DCC: variants seen among roughly 807,000 people sequenced by gnomAD.
DCC encodes netrin receptor DCC.
In DCC, 58 loss-of-function variants were observed where a neutral mutation model predicts 172.5. The observed-to-expected ratio is 0.34, with a 90% confidence interval of 0.27 to 0.42. The LOEUF is 0.42. DCC is among the 10% of genes least tolerant of loss of function. The pLI is 1.00. For missense variants in DCC, 1,740 were observed against 1,791.0 expected (o/e 0.97, Z 0.51); for synonymous variants, 709 against 644.5 (o/e 1.10, Z -1.52).
chr18:53,534,698 A>G lies in DCC; in HGVS notation c.*4045A>G, dbSNP rs1333473023. ...GCAAAATATATGTACCCATGCCTCAATGTATCTTGCTATCTAAATACCTGT... is the reference window on the plus strand; with the variant it reads ...GCAAAATATATGTACCCATGCCTCAGTGTATCTTGCTATCTAAATACCTGT... On this transcript the variant is annotated 3_prime_UTR_variant, in exon 29 of 29. Coordinates refer to ENST00000442544, the MANE Select transcript of DCC (RefSeq NM_005215.4). 1 of 152,208 alleles carries G rather than the reference A, an allele frequency of 6.6e-6. No homozygotes were observed. Among genetic ancestry groups the G allele is most frequent in the African/African-American group, 2.4e-5 (1 of 41,438 alleles). 9.4% of individuals were successfully genotyped at this position (152,208 alleles called of 1,614,324 possible).
chr18:53,094,500 A>G (rs1568301085), intron 7 of DCC, among the ~76,000 whole-genome samples: 1 of 152,328 alleles, frequency 6.6e-6, no homozygotes, highest in East Asian at 1.9e-4. Context: ...ACACATCACG[A>G]GGTTGTCAAA....
At chr18:52,355,107 T>C (rs1984301155) in intron 1 of DCC, among the ~76,000 whole-genome samples, 2 of 152,170 alleles carry the variant, frequency 1.3e-5, no homozygotes, top group Non-Finnish European at 2.9e-5. Flanking sequence ...AGACTCTGTG[T>C]TTGCCTTCAG....
intron 2 of DCC, among the ~76,000 whole-genome samples, chr18:52,791,688 T>A (rs886970090): frequency 2.0e-5 from 3 of 151,960 alleles, no homozygotes; most frequent in Non-Finnish European, 4.4e-5. Flanking sequence ...CAGGAGAGAT[T>A]ATGTGACAGT....
At chr18:53,098,966 G>A (rs9807426) in intron 7 of DCC, among the ~76,000 whole-genome samples, 2,699 of 152,144 alleles carry the variant, frequency 0.018, 36 homozygotes, top group Middle Eastern at 0.027. Flanking sequence ...TAGCTGTGAT[G>A]GCGCCATGCT....
At chr18:52,966,955 G>A (rs573087191) in intron 5 of DCC, among the ~76,000 whole-genome samples, 6 of 152,286 alleles carry the variant, frequency 3.9e-5, no homozygotes, top group East Asian at 1.9e-4. Flanking sequence ...CGATTTGAAC[G>A]TCTTTGGAGC....
chr18:52,861,087 C>A (rs565702211), intron 2 of DCC, among the ~76,000 whole-genome samples: 2 of 151,976 alleles, frequency 1.3e-5, no homozygotes, highest in Non-Finnish European at 2.9e-5. Context: ...TTTTAAAAGC[C>A]TCTAAAGTCT....
chr18:53,131,574 T>A lies in DCC; in HGVS notation c.1262-25782T>A, dbSNP rs115618650. Among the ~76,000 whole-genome samples the A allele has an allele frequency of 9.5e-3, 1,452 of 152,212 alleles. 33 individuals carry two copies. Among genetic ancestry groups the A allele is most frequent in the African/African-American group, 0.033 (1,350 of 41,534 alleles). ...TGTGTGTGATGGTTGATGTGCGGGA[T>A]CACAGGAAAAATTTCCCGCATATAT... On this transcript the variant is annotated intron_variant, in intron 7 of 28. Coordinates refer to ENST00000442544, the MANE Select transcript of DCC (RefSeq NM_005215.4).
intron 1 of DCC, among the ~76,000 whole-genome samples, chr18:52,461,957 C>A (rs544433925): frequency 2.0e-5 from 3 of 152,170 alleles, no homozygotes; most frequent in Non-Finnish European, 2.9e-5. Flanking sequence ...CTCCTGTAAC[C>A]TTCTCTGAGT....
intron 1 of DCC, among the ~76,000 whole-genome samples, chr18:52,538,474 T>C (rs1222530632): frequency 1.3e-5 from 2 of 152,328 alleles, no homozygotes; most frequent in South Asian, 2.1e-4. Flanking sequence ...TGTACCCTGT[T>C]CAAACTTTAT....
intron 1 of DCC, among the ~76,000 whole-genome samples, chr18:52,698,038 T>C (rs1185603730): frequency 6.6e-6 from 1 of 152,222 alleles, no homozygotes; most frequent in Non-Finnish European, 1.5e-5. Context: ...AATCAAGGTG[T>C]AGGTAACACT....
chr18:53,353,846 T>C (rs1218701925), intron 15 of DCC, among the ~76,000 whole-genome samples: 1 of 152,216 alleles, frequency 6.6e-6, no homozygotes, highest in Non-Finnish European at 1.5e-5. Flanking sequence ...TGTATACATG[T>C]GCCATGTTGG....
chr18:53,269,394 G>T (rs1476426211), intron 12 of DCC, among the ~76,000 whole-genome samples: 1 of 151,996 alleles, frequency 6.6e-6, no homozygotes, highest in Non-Finnish European at 1.5e-5. Flanking sequence ...AAGCCTATTA[G>T]TCAACCCTGA....
chr18:52,899,091 G>C (rs114234752), intron 2 of DCC, among the ~76,000 whole-genome samples: 439 of 152,200 alleles, frequency 2.9e-3, no homozygotes, highest in African/African-American at 9.7e-3. Flanking sequence ...GGATTTATTA[G>C]TCTCAGCTCT....
chr18:52,833,013 A>T (rs978398518), intron 2 of DCC, among the ~76,000 whole-genome samples: 1 of 152,162 alleles, frequency 6.6e-6, no homozygotes, highest in Admixed American at 6.5e-5. Flanking sequence ...ATGAGAATAT[A>T]TAACCTCTTG....
At chr18:53,166,076 A>G (rs2054915880) in intron 8 of DCC, among the ~76,000 whole-genome samples, 2 of 152,248 alleles carry the variant, frequency 1.3e-5, no homozygotes, top group African/African-American at 4.8e-5. Flanking sequence ...ATGTCAGTGG[A>G]GATGGAGCAG....
chr18:52,462,535 A>C (rs7506066), intron 1 of DCC, among the ~76,000 whole-genome samples: 150,598 of 152,182 alleles, frequency 0.99, 74,519 homozygotes, highest in Middle Eastern at 1. Context: ...GCAATATGCA[A>C]CCTCTTTTAG....
intron 1 of DCC, among the ~76,000 whole-genome samples, chr18:52,582,715 C>T (rs181597744): frequency 6.6e-6 from 1 of 152,126 alleles, no homozygotes; most frequent in South Asian, 2.1e-4. Context: ...CAGAAGGGGG[C>T]AGCCTTTCGT....
intron 9 of DCC, among the ~76,000 whole-genome samples, chr18:53,186,683 GAAAAT>G (rs1461725689): frequency 6.6e-6 from 1 of 152,164 alleles, no homozygotes; most frequent in Non-Finnish European, 1.5e-5. Context: ...GCTTGGGATA[GAAAAT>G]AAAATAAGGG....
intron 2 of DCC, among the ~76,000 whole-genome samples, chr18:52,897,002 A>G (rs1052815734): frequency 2.6e-5 from 4 of 152,208 alleles, no homozygotes; most frequent in Non-Finnish European, 4.4e-5. Context: ...AAGAAGGATG[A>G]TTCCGGAGAA....
Sources: gnomAD v4.1 joint callset for allele counts (sites outside exome capture counted in the v4.1 genomes callset) on GRCh38, gnomAD v4.1.1 for gene constraint, MANE v1.5 for transcripts, NCBI Gene and HGNC (gene_info 2026-07-23, HGNC 2026-07-21) for gene names.